SAMD12: variants seen among roughly 807,000 people sequenced by gnomAD.
SAMD12 encodes sterile alpha motif domain-containing protein 12.
In SAMD12, 9 loss-of-function variants were observed where a neutral mutation model predicts 15.0. The ratio of observed to expected loss-of-function variants is 0.60; its 90% confidence interval spans 0.36 to 1.05. The LOEUF (loss-of-function observed/expected upper bound fraction) is 1.05, where lower values mean the gene tolerates loss of function less well. SAMD12 is among the 50% of genes least tolerant of loss of function. SAMD12 has a pLI of 0.01. For missense variants in SAMD12, 230 were observed against 234.2 expected, an observed-to-expected ratio of 0.98 and a Z score of 0.12; for synonymous variants, 86 against 90.1, an observed-to-expected ratio of 0.96 and a Z score of 0.25.
At chr8:118,363,211 C>T (rs921835851) in intron 4 of SAMD12, among the ~76,000 whole-genome samples, 1 of 152,152 alleles carries the variant, frequency 6.6e-6, no homozygotes, top group African/African-American at 2.4e-5. Context: ...ATCTTACACA[C>T]TGCGATGGTT....
the SAMD12 span, among the ~76,000 whole-genome samples, chr8:118,157,459 T>G: frequency 6.6e-6 from 1 of 152,210 alleles, no homozygotes; most frequent in African/African-American, 2.4e-5. Context: ...AAAGGAGACT[T>G]CAGCTATTGC....
chr8:118,428,912 C>T (rs934618482), intron 3 of SAMD12, among the ~76,000 whole-genome samples: 1 of 152,088 alleles, frequency 6.6e-6, no homozygotes, highest in African/African-American at 2.4e-5. Context: ...ATATGAGTTT[C>T]ACTACTCTAA....
chr8:118,405,400 G>GA (rs1821079804), intron 3 of SAMD12, among the ~76,000 whole-genome samples: 1 of 138,144 alleles, frequency 7.2e-6, no homozygotes, highest in African/African-American at 2.7e-5. Context: ...ACTCAACACC[G>GA]ATAAATCTGA....
At chr8:118,165,635 T>TACATATATATATAC in the SAMD12 span, among the ~76,000 whole-genome samples, 1 of 129,430 alleles carries the variant, frequency 7.7e-6, no homozygotes, top group South Asian at 2.5e-4. Flanking sequence ...TATATATATA[T>TACATATATATATAC]ACATATATAT....
exon 5 of SAMD12, chr8:118,189,840 G>A (rs1408541085): frequency 6.6e-6 from 1 of 150,594 alleles, no homozygotes; most frequent in Non-Finnish European, 1.5e-5. Context: ...CTGGAAGCCA[G>A]GAAACTAAAG....
At chr8:118,238,619 T>A (rs1812488787) in intron 4 of SAMD12, among the ~76,000 whole-genome samples, 1 of 152,180 alleles carries the variant, frequency 6.6e-6, no homozygotes, top group African/African-American at 2.4e-5. Flanking sequence ...ATCATTCATC[T>A]AGTCAACACA....
chr8:118,597,468 T>G (rs754579791), intron 1 of SAMD12, among the ~76,000 whole-genome samples: 2 of 152,218 alleles, frequency 1.3e-5, no homozygotes, highest in Admixed American at 6.5e-5. Flanking sequence ...GCCTTGCCCC[T>G]TCAAACACAT....
the SAMD12 span, among the ~76,000 whole-genome samples, chr8:118,182,993 A>G: frequency 2.0e-5 from 3 of 152,238 alleles, no homozygotes; most frequent in Non-Finnish European, 2.9e-5. Context: ...ATATCGAATT[A>G]GCTAGTTTTT....
intron 4 of SAMD12, among the ~76,000 whole-genome samples, chr8:118,332,414 G>A (rs752209595): frequency 3.9e-5 from 6 of 152,236 alleles, no homozygotes; most frequent in Non-Finnish European, 8.8e-5. Flanking sequence ...TGCAGTGGCT[G>A]AGATTGGCAT....
chr8:118,403,592 C>G (rs1015890013), intron 3 of SAMD12, among the ~76,000 whole-genome samples: 2 of 152,164 alleles, frequency 1.3e-5, no homozygotes, highest in Non-Finnish European at 2.9e-5. Flanking sequence ...ACACTTAGTA[C>G]TTGCCACACA....
intron 1 of SAMD12, among the ~76,000 whole-genome samples, chr8:118,615,200 C>A (rs1205903532): frequency 6.6e-6 from 1 of 151,974 alleles, no homozygotes; most frequent in African/African-American, 2.4e-5. Flanking sequence ...TGTGCCCTTT[C>A]CCCGATTCCC....
intron 2 of SAMD12, among the ~76,000 whole-genome samples, chr8:118,546,858 G>T (rs1323101435): frequency 6.6e-6 from 1 of 152,132 alleles, no homozygotes; most frequent in African/African-American, 2.4e-5. Context: ...AGAACAGAAG[G>T]CCACATCAGT....
chr8:118,143,376 C>A, the SAMD12 span, among the ~76,000 whole-genome samples: 7 of 152,106 alleles, frequency 4.6e-5, no homozygotes, highest in Admixed American at 4.6e-4. Context: ...GCCAGATAAA[C>A]CCTAATTTCA....
chr8:118,204,330 C>T (rs1235391095), intron 4 of SAMD12, among the ~76,000 whole-genome samples: 2 of 152,056 alleles, frequency 1.3e-5, no homozygotes, highest in Non-Finnish European at 2.9e-5. Flanking sequence ...TTCTCAGCAG[C>T]GCTGGTCCCA....
At chr8:118,308,709 CAT>C (rs1815469151) in intron 4 of SAMD12, among the ~76,000 whole-genome samples, 1 of 115,068 alleles carries the variant, frequency 8.7e-6, no homozygotes, top group Non-Finnish European at 1.7e-5. Flanking sequence ...ATGTTGTACA[CAT>C]GACTTTTTTT....
intron 4 of SAMD12, among the ~76,000 whole-genome samples, chr8:118,247,773 A>T (rs1305701937): frequency 1.3e-5 from 2 of 152,014 alleles, no homozygotes; most frequent in African/African-American, 4.8e-5. Flanking sequence ...TTTGTATTTT[A>T]GTAGAGACAG....
intron 4 of SAMD12, among the ~76,000 whole-genome samples, chr8:118,235,609 T>A (rs1037283863): frequency 6.6e-6 from 1 of 152,144 alleles, no homozygotes; most frequent in African/African-American, 2.4e-5. Flanking sequence ...GTGAAAGAGA[T>A]CTTAGCAGTG....
chr8:118,531,763 T>G (rs1408999695), intron 2 of SAMD12, among the ~76,000 whole-genome samples: 1 of 152,214 alleles, frequency 6.6e-6, no homozygotes, highest in African/African-American at 2.4e-5. Flanking sequence ...CTTGTGATTT[T>G]TGCACACTGA....
chr8:118,332,337 C>T (rs1816843596), intron 4 of SAMD12, among the ~76,000 whole-genome samples: 2 of 152,156 alleles, frequency 1.3e-5, no homozygotes, highest in South Asian at 4.1e-4. Flanking sequence ...CTAAAATTCT[C>T]CTTCACTCAT....
Sources: gnomAD v4.1 joint callset for allele counts (sites outside exome capture counted in the v4.1 genomes callset) on GRCh38, gnomAD v4.1.1 for gene constraint, MANE v1.5 for transcripts, NCBI Gene and HGNC (gene_info 2026-07-23, HGNC 2026-07-21) for gene names.